EBF2: variants seen among roughly 807,000 people sequenced by gnomAD.
The protein encoded by EBF2 is transcription factor COE2.
EBF2 carries 21 observed loss-of-function variants against 72.8 expected under a neutral mutation model. The observed-to-expected ratio is 0.29, with a 90% CI of 0.20 to 0.42. EBF2 has a LOEUF of 0.42. Among genes scored for constraint, EBF2 ranks in the 10% least tolerant of loss-of-function variants. The pLI, the probability that EBF2 is intolerant of heterozygous loss-of-function variation, is 1.00. For missense variants in EBF2, 637 were observed against 731.2 expected (o/e 0.87, Z 1.49); for synonymous variants, 299 against 274.2 (o/e 1.09, Z -0.89).
At chr8:25,877,523 G>A (rs903270837) in intron 10 of EBF2, among the ~76,000 whole-genome samples, 4 of 152,174 alleles carry the variant, frequency 2.6e-5, no homozygotes, top group Non-Finnish European at 5.9e-5. Context: ...ATTTTTCAGA[G>A]CCCCGATGTT....
At chr8:25,903,542 A>T (rs1802989680) in intron 7 of EBF2, among the ~76,000 whole-genome samples, 2 of 152,130 alleles carry the variant, frequency 1.3e-5, no homozygotes, top group South Asian at 4.2e-4. Context: ...AAAAATACAA[A>T]AAAAAATAGC....
chr8:25,870,826 G>A (rs1356306012), intron 10 of EBF2, among the ~76,000 whole-genome samples: 1 of 151,862 alleles, frequency 6.6e-6, no homozygotes, highest in East Asian at 1.9e-4. Context: ...TTTTTGGCAG[G>A]TCCCTGCCAG....
intron 6 of EBF2, among the ~76,000 whole-genome samples, chr8:25,940,631 A>T (rs990109718): frequency 6.7e-6 from 1 of 148,866 alleles, no homozygotes; most frequent in African/African-American, 2.6e-5. Context: ...TAAAAAAAAA[A>T]ATAAAAAAAA....
chr8:25,974,819 T>C (rs1804243145), intron 6 of EBF2, among the ~76,000 whole-genome samples: 1 of 152,086 alleles, frequency 6.6e-6, no homozygotes, highest in Admixed American at 6.5e-5. Context: ...CTGTGCATTT[T>C]GAGATCCGGG....
chr8:25,959,010 A>C (rs929484394), intron 6 of EBF2, among the ~76,000 whole-genome samples: 8 of 152,208 alleles, frequency 5.3e-5, no homozygotes, highest in African/African-American at 1.9e-4. Flanking sequence ...TGGGAACCTC[A>C]TAAGGTTAGG....
At chr8:25,937,344 C>A (rs1333046352) in intron 6 of EBF2, among the ~76,000 whole-genome samples, 4 of 152,164 alleles carry the variant, frequency 2.6e-5, no homozygotes, top group African/African-American at 7.2e-5. Context: ...TACAAGGGAA[C>A]AAAGTTTCTA....
chr8:25,883,734 C>A (rs2117286388), intron 10 of EBF2, among the ~76,000 whole-genome samples: 1 of 152,206 alleles, frequency 6.6e-6, no homozygotes, highest in African/African-American at 2.4e-5. Flanking sequence ...GGATTGGCTG[C>A]AATGTGTTTG....
intron 10 of EBF2, among the ~76,000 whole-genome samples, chr8:25,883,734 CAATGTGTTTGTT>C (rs1327518646): frequency 1.3e-5 from 2 of 152,088 alleles, no homozygotes; most frequent in Non-Finnish European, 2.9e-5. Flanking sequence ...GGATTGGCTG[CAATGTGTTTGTT>C]ATGATACCTA....
At chr8:25,939,461 T>C (rs889613210) in intron 6 of EBF2, among the ~76,000 whole-genome samples, 2 of 152,196 alleles carry the variant, frequency 1.3e-5, no homozygotes, top group Admixed American at 6.5e-5. Context: ...ACTAGTGTGA[T>C]TGTGAGTCAG....
intron 6 of EBF2, among the ~76,000 whole-genome samples, chr8:25,986,876 T>G (rs763997483): frequency 3.9e-4 from 59 of 152,266 alleles, no homozygotes; most frequent in Non-Finnish European, 6.6e-4. Flanking sequence ...AATAAAATCA[T>G]ATAAAGAAGC....
chr8:25,960,725 A>G (rs1994297), intron 6 of EBF2, among the ~76,000 whole-genome samples: 80,514 of 151,956 alleles, frequency 0.53, 21,923 homozygotes, highest in East Asian at 0.88. Flanking sequence ...CTAGAGCATC[A>G]TCAAAAAGCC....
At chr8:25,844,908 G>A (rs1801801721) in intron 15 of EBF2, among the ~76,000 whole-genome samples, 1 of 152,100 alleles carries the variant, frequency 6.6e-6, no homozygotes, top group African/African-American at 2.4e-5. Context: ...TGTTTTATAT[G>A]GGTTGTATAA....
intron 6 of EBF2, among the ~76,000 whole-genome samples, chr8:25,912,491 C>CACACACAT (rs1438788092): frequency 7.1e-6 from 1 of 140,554 alleles, no homozygotes; most frequent in Non-Finnish European, 1.5e-5. Flanking sequence ...CACACACACA[C>CACACACAT]ACACACAACA....
chr8:25,875,497 A>G (rs1802507247), intron 10 of EBF2, among the ~76,000 whole-genome samples: 2 of 152,178 alleles, frequency 1.3e-5, no homozygotes, highest in Admixed American at 6.5e-5. Flanking sequence ...TGGAGTTCAT[A>G]TTTCTTTGCC....
intron 6 of EBF2, among the ~76,000 whole-genome samples, chr8:25,971,358 T>C (rs1389506224): frequency 6.6e-6 from 1 of 152,154 alleles, no homozygotes; most frequent in African/African-American, 2.4e-5. Context: ...TCAGTCTCAT[T>C]TTGCAGATCC....
chr8:26,027,583 G>A (rs2117251435), intron 6 of EBF2, among the ~76,000 whole-genome samples: 1 of 34 alleles, frequency 0.029, no homozygotes, highest in Middle Eastern at 0.5. Flanking sequence ...AAATGAAAAT[G>A]TAATTACCAT....
chr8:25,851,210 T>TA (rs1801963132), intron 14 of EBF2, among the ~76,000 whole-genome samples: 1 of 148,702 alleles, frequency 6.7e-6, no homozygotes, highest in Non-Finnish European at 1.5e-5. Flanking sequence ...GCCTCCCCCA[T>TA]AACTCCTAAG....
chr8:26,033,355 G>A (rs1805440555), intron 5 of EBF2, among the ~76,000 whole-genome samples: 1 of 152,072 alleles, frequency 6.6e-6, no homozygotes. Flanking sequence ...TCAGCCTCCT[G>A]ACTAACTGGG....
chr8:25,912,884 GCTTCCACATGT>G (rs1007514182), intron 6 of EBF2, among the ~76,000 whole-genome samples: 24 of 152,238 alleles, frequency 1.6e-4, no homozygotes, highest in African/African-American at 5.5e-4. Context: ...TGTGTAGGTG[GCTTCCACATGT>G]CTTCCGCCAT....
Sources: allele counts gnomAD v4.1 joint callset (sites outside exome capture counted in the v4.1 genomes callset), GRCh38; gene constraint gnomAD v4.1.1; transcripts MANE v1.5; gene names NCBI Gene and HGNC (gene_info 2026-07-23, HGNC 2026-07-21).